FARS2: variants seen among roughly 807,000 people sequenced by gnomAD.
FARS2 encodes phenylalanine--tRNA ligase, mitochondrial.
FARS2 carries 40 observed loss-of-function variants against 46.4 expected under a neutral mutation model. The observed-to-expected ratio is 0.86, with a 90% CI of 0.67 to 1.12. The LOEUF is 1.12. Among genes scored for constraint, FARS2 ranks in the 50% most tolerant of loss-of-function variants. FARS2 has a pLI of 0.00. For missense variants in FARS2, 513 were observed against 567.9 expected, an observed-to-expected ratio of 0.90 and a Z score of 0.98; for synonymous variants, 234 against 214.9, an observed-to-expected ratio of 1.09 and a Z score of -0.78.
intron 1 of FARS2, among the ~76,000 whole-genome samples, chr6:5,334,840 C>T (rs1771046393): frequency 6.6e-6 from 1 of 152,138 alleles, no homozygotes; most frequent in Non-Finnish European, 1.5e-5. Flanking sequence ...AAAATATTAT[C>T]TCTCCAGGAA....
chr6:5,763,632 G>A (rs1327957194), intron 6 of FARS2, among the ~76,000 whole-genome samples: 5 of 152,098 alleles, frequency 3.3e-5, no homozygotes, highest in Non-Finnish European at 5.9e-5. Flanking sequence ...AGGAGCTTGG[G>A]CTGGCACCCA....
intron 1 of FARS2, among the ~76,000 whole-genome samples, chr6:5,360,712 A>G (rs1397529273): frequency 1.3e-5 from 2 of 152,182 alleles, no homozygotes; most frequent in African/African-American, 4.8e-5. Flanking sequence ...CTGATAATTG[A>G]TTTCATTTGC....
chr6:5,717,927 T>TAGAGAGAGAGAG lies in FARS2; in HGVS notation c.1218-53363_1218-53362insGAGAGAGAGAGA, dbSNP rs1410102835. ...TATCAGCTATATATATATATATATA[T>TAGAGAGAGAGAG]ATATATATACAGAGTCTCACTCTGT... is the stretch of plus-strand genomic sequence containing the variant. On this transcript the variant is annotated intron_variant, in intron 6 of 6. Transcript: ENST00000274680. Among the ~76,000 whole-genome samples the TAGAGAGAGAGAG allele has an allele frequency of 2.0e-4, 15 of 74,242 alleles. No individual in the cohort carries two copies. In the South Asian group the frequency reaches 2.2e-3, roughly 11 times the overall value. The allele number at this position is 74,242 out of a possible 152,430, so 48.7% of individuals were successfully genotyped here. A position where few individuals can be genotyped will look rare whatever the true frequency, so the allele number is the denominator to read the frequency against.
intron 6 of FARS2, among the ~76,000 whole-genome samples, chr6:5,753,791 C>T (rs1278518242): frequency 5.3e-5 from 8 of 152,120 alleles, no homozygotes; most frequent in Non-Finnish European, 8.8e-5. Flanking sequence ...AGAGACTCAC[C>T]GGCCATTAAA....
chr6:5,738,190 A>G (rs528432691), intron 6 of FARS2, among the ~76,000 whole-genome samples: 88 of 152,320 alleles, frequency 5.8e-4, no homozygotes, highest in Middle Eastern at 3.4e-3. Context: ...GGCTCAAGCA[A>G]TCCTCCTGCC....
upstream of FARS2, among the ~76,000 whole-genome samples, chr6:5,258,763 C>T (rs1322570712): frequency 2.0e-5 from 3 of 152,062 alleles, no homozygotes; most frequent in Non-Finnish European, 4.4e-5. Context: ...AAAGTATATG[C>T]TTAAGGTATA....
intron 4 of FARS2, among the ~76,000 whole-genome samples, chr6:5,435,862 C>G (rs1763490039): frequency 6.6e-6 from 1 of 152,190 alleles, no homozygotes; most frequent in African/African-American, 2.4e-5. Flanking sequence ...AGTGAAATTA[C>G]CTTCCTTACC....
At chr6:5,504,314 A>C (rs979293531) in intron 4 of FARS2, among the ~76,000 whole-genome samples, 2 of 152,150 alleles carry the variant, frequency 1.3e-5, no homozygotes, top group African/African-American at 4.8e-5. Flanking sequence ...AGAATCATAA[A>C]GAGAGACAAT....
intron 1 of FARS2, among the ~76,000 whole-genome samples, chr6:5,301,062 C>T (rs73365080): frequency 0.052 from 7,916 of 151,314 alleles, 233 homozygotes; most frequent in Middle Eastern, 0.11. Flanking sequence ...GCTGTGCTTA[C>T]TGGGGGTGGG....
chr6:5,432,444 TA>T (rs1214815004), intron 4 of FARS2, among the ~76,000 whole-genome samples: 17 of 128,786 alleles, frequency 1.3e-4, no homozygotes, highest in South Asian at 4.4e-4. Context: ...ATATAATATA[TA>T]AAATATATAT....
At chr6:5,685,361 T>C (rs1757117779) in intron 6 of FARS2, among the ~76,000 whole-genome samples, 1 of 152,138 alleles carries the variant, frequency 6.6e-6, no homozygotes, top group East Asian at 1.9e-4. Flanking sequence ...GGTGGGGAGA[T>C]CCAATGGCTG....
At chr6:5,452,684 C>T (rs1444762975) in intron 4 of FARS2, 1 of 152,144 alleles carries the variant, frequency 6.6e-6, no homozygotes, top group African/African-American at 2.4e-5. Flanking sequence ...GGCACAAAAC[C>T]TTCACTTCTG....
chr6:5,428,967 C>G (rs756280440), intron 3 of FARS2, among the ~76,000 whole-genome samples: 1 of 151,642 alleles, frequency 6.6e-6, no homozygotes, highest in Non-Finnish European at 1.5e-5. Flanking sequence ...ATGAAAGAAG[C>G]AAGAAAAAAA....
chr6:5,533,704 T>C (rs2150464412), intron 4 of FARS2, among the ~76,000 whole-genome samples: 1 of 152,190 alleles, frequency 6.6e-6, no homozygotes, highest in East Asian at 1.9e-4. Flanking sequence ...AGTAGGTTGA[T>C]GGAGAGGTTT....
At chr6:5,327,553 T>C (rs1484775336) in intron 1 of FARS2, among the ~76,000 whole-genome samples, 1 of 152,176 alleles carries the variant, frequency 6.6e-6, no homozygotes, top group Non-Finnish European at 1.5e-5. Context: ...ACACACTCTC[T>C]TGCCTGCCAC....
intron 1 of FARS2, among the ~76,000 whole-genome samples, chr6:5,366,577 C>T (rs540761454): frequency 1.1e-4 from 16 of 152,206 alleles, no homozygotes; most frequent in East Asian, 5.8e-4. Context: ...AAACTTTCAT[C>T]GGCAAGCTGG....
At chr6:5,479,564 T>G (rs1766324070) in intron 4 of FARS2, among the ~76,000 whole-genome samples, 1 of 152,238 alleles carries the variant, frequency 6.6e-6, no homozygotes, top group South Asian at 2.1e-4. Flanking sequence ...TTTTGTCATC[T>G]TTCTGATCCA....
intron 5 of FARS2, among the ~76,000 whole-genome samples, chr6:5,583,134 A>G (rs1773428912): frequency 6.6e-6 from 1 of 152,234 alleles, no homozygotes; most frequent in African/African-American, 2.4e-5. Flanking sequence ...CATAATTCTC[A>G]TGCTTAAAAT....
intron 4 of FARS2, among the ~76,000 whole-genome samples, chr6:5,483,505 A>G (rs1410995896): frequency 6.6e-6 from 1 of 152,064 alleles, no homozygotes; most frequent in Non-Finnish European, 1.5e-5. Flanking sequence ...CTGTCTTACT[A>G]AAAATACAAA....
Sources: gnomAD v4.1 joint callset for allele counts (sites outside exome capture counted in the v4.1 genomes callset) on GRCh38, gnomAD v4.1.1 for gene constraint, MANE v1.5 for transcripts, NCBI Gene and HGNC (gene_info 2026-07-23, HGNC 2026-07-21) for gene names.